PXDC1: variants seen among roughly 807,000 people sequenced by gnomAD.
The protein encoded by PXDC1 is PX domain containing 1.
PXDC1 carries 13 observed loss-of-function variants against 24.4 expected under a neutral mutation model. The observed-to-expected ratio is 0.53, with a 90% CI of 0.35 to 0.85. The LOEUF is 0.85. PXDC1 is among the 40% of genes least tolerant of loss of function. The pLI is 0.01. For synonymous variants in PXDC1, 162 were observed against 124.9 expected, an observed-to-expected ratio of 1.30 and a Z score of -1.98; for missense variants, 344 against 309.3, an observed-to-expected ratio of 1.11 and a Z score of -0.84.
rs1426952090 is a variant in PXDC1 at position 3,725,245 on chromosome 6, A to G, written c.579-1509T>C. On this transcript the variant is annotated intron_variant, in intron 4 of 4. Transcript: ENST00000380283. This position sits in a 1 kb window ranked among gnomAD's most constrained non-coding sequence, Gnocchi z 4.8. Reference sequence around the variant, plus strand: ...CACCACCTGCCCGTCCTCCCTGCCCAGATCACAGGATGACCCTGAGGACAT... The same window carrying G: ...CACCACCTGCCCGTCCTCCCTGCCCGGATCACAGGATGACCCTGAGGACAT... Among the ~76,000 whole-genome samples, 1 of 152,178 alleles carries G rather than the reference A, an allele frequency of 6.6e-6. No individual in the cohort carries two copies. Among genetic ancestry groups the G allele is most frequent in the Non-Finnish European group, 1.5e-5 (1 of 68,016 alleles).
At position 3,733,165 on chromosome 6, in the gene PXDC1, G is replaced by A. The variant is rs148420797; in HGVS notation, c.466+3914C>T. Among the ~76,000 whole-genome samples the A allele has an allele frequency of 2.1e-4, 32 of 152,298 alleles. No individual in the cohort carries two copies. In the East Asian group the frequency reaches 6.2e-3, roughly 29 times the overall value. Reference sequence around the variant, plus strand: ...GCCTCAGAGGTCAGAGCTTTGGGATGACTGGCTCAGTCCTCGGGTTCATAT... The same window carrying A: ...GCCTCAGAGGTCAGAGCTTTGGGATAACTGGCTCAGTCCTCGGGTTCATAT... On this transcript the variant is annotated intron_variant, in intron 3 of 4. Transcript: ENST00000380283.
rs142673215 is a variant in PXDC1 at position 3,727,658 on chromosome 6, G to C, written c.471C>G (p.Ile157Met). Reference protein sequence around the residue: ...SFQSPVKISEIMRSNGFCLAN... With the variant: ...SFQSPVKISEMMRSNGFCLAN... ...CTAAACAAAATCCATTGGACCTCAT[G>C]ATTTCTGAAAACCAAAGCAACAAGG... Residue 157 changes from isoleucine to methionine, a missense_variant, in exon 4 of 5, where the codon ATC (isoleucine) becomes ATG (methionine). Coordinates refer to ENST00000380283, the MANE Select transcript of PXDC1 (RefSeq NM_183373.4). 6.2e-7 allele frequency: 1 copy of C among 1,611,044 alleles called. No individual in the cohort carries two copies. Among genetic ancestry groups the C allele is most frequent in the South Asian group, 1.1e-5 (1 of 90,982 alleles).
intron 3 of PXDC1, among the ~76,000 whole-genome samples, chr6:3,733,516 T>G (rs1053430243): frequency 6.6e-6 from 1 of 152,014 alleles, no homozygotes; most frequent in African/African-American, 2.4e-5. Flanking sequence ...AGGGGCGAGC[T>G]AGACCGGGAA....
Position 3,725,395 on chromosome 6 carries a change from C to G in PXDC1, c.579-1659G>C, listed in dbSNP as rs1282886176. Among the ~76,000 whole-genome samples the G allele has an allele frequency of 1.3e-5, 2 of 152,230 alleles. No homozygotes were observed. Among genetic ancestry groups the G allele is most frequent in the African/African-American group, 4.8e-5 (2 of 41,460 alleles). On this transcript the variant is annotated intron_variant, in intron 4 of 4. Transcript: ENST00000380283. This position sits in a 1 kb window ranked among gnomAD's most constrained non-coding sequence, Gnocchi z 4.8. ...CCTCCCAGAAGCCAGGCAATCCCTT[C>G]GCCAGCTGAGACTGTCACCTGCAGA...
Position 3,751,363 on chromosome 6 carries a change from G to A in PXDC1, c.169C>T (p.Leu57=), listed in dbSNP as rs1163147910. 8 of 1,560,762 alleles carry A rather than the reference G, an allele frequency of 5.1e-6. No individual in the cohort carries two copies. Among genetic ancestry groups the A allele is most frequent in the African/African-American group, 1.4e-5 (1 of 73,296 alleles). ...DRSVLYLHRS[L]ADLGRLWQRL... is the part of the protein sequence containing the mutation. ...TGCCACAGGCGGCCCAGGTCCGCCA[G>A]GCTGCGGTGCAGGTAGAGCACGCTG... Residue 57 remains leucine (L), a synonymous_variant, in exon 1 of 5, where the codon CTG becomes TTG. Transcript: ENST00000380283.
intron 1 of PXDC1, among the ~76,000 whole-genome samples, chr6:3,747,904 T>C (rs940142487): frequency 1.3e-5 from 2 of 152,200 alleles, no homozygotes; most frequent in Non-Finnish European, 2.9e-5. Flanking sequence ...TTTGATGGAA[T>C]GAATGTAAAA....
Position 3,751,329 on chromosome 6 carries a change from CG to C in PXDC1, c.202del (p.Arg68AlafsTer23). 6.4e-7 allele frequency: 1 copy of C among 1,550,738 alleles called. No homozygotes were observed. The highest frequency in any genetic ancestry group is 1.2e-5 in the South Asian group (1 of 84,126). The part of the protein sequence containing the change: ...ADLGRLWQRL[R>X]DAFPEDRSEL... ...GGACCGGTCCTCGGGAAAGGCGTCG[CG>C]CAGGCGCTGCCACAGGCGGCCCAGG... On this transcript the variant is annotated frameshift_variant, in exon 1 of 5. Transcript: ENST00000380283. LOFTEE classifies it high-confidence loss of function.
intron 1 of PXDC1, chr6:3,738,771 G>A (rs1490527520): frequency 2.3e-6 from 3 of 1,297,026 alleles, no homozygotes; most frequent in East Asian, 5.5e-5. Context: ...CTGTCAGGCA[G>A]CATAATATTT....
At chr6:3,736,429 T>C (rs930073847) in intron 3 of PXDC1, among the ~76,000 whole-genome samples, 1 of 152,154 alleles carries the variant, frequency 6.6e-6, no homozygotes, top group Non-Finnish European at 1.5e-5. Context: ...TGTCACAAGG[T>C]GATTGCCACT....
chr6:3,743,964 TG>T (rs1000601618), intron 1 of PXDC1, among the ~76,000 whole-genome samples: 1 of 152,152 alleles, frequency 6.6e-6, no homozygotes, highest in African/African-American at 2.4e-5. Context: ...GGACCCAAGC[TG>T]GGGGCTGAGG....
chr6:3,729,717 T>G (rs539704172), intron 3 of PXDC1, among the ~76,000 whole-genome samples: 3 of 152,344 alleles, frequency 2.0e-5, no homozygotes, highest in East Asian at 3.9e-4. Context: ...GCCTTTATTG[T>G]TTTTATTAAC....
chr6:3,730,690 T>TA lies in PXDC1; in HGVS notation c.467-3029dup, dbSNP rs1265183927. ...GGTCAGTTTTCACAAGACGATGGTATAGACCATGAACTTGTACCTTCAGGC... is the reference window on the plus strand; with the variant it reads ...GGTCAGTTTTCACAAGACGATGGTATAAGACCATGAACTTGTACCTTCAGGC... On this transcript the variant is annotated intron_variant, in intron 3 of 4. Coordinates refer to ENST00000380283, the MANE Select transcript of PXDC1 (RefSeq NM_183373.4). Among the ~76,000 whole-genome samples the TA allele has an allele frequency of 5.3e-5, 8 of 152,232 alleles. 2 individuals carry two copies. Among genetic ancestry groups the TA allele is most frequent in the Non-Finnish European group, 1.2e-4 (8 of 68,042 alleles).
At position 3,751,317 on chromosome 6, in the gene PXDC1, G is replaced by A; in HGVS notation, c.215C>T (p.Pro72Leu). The change falls in exon 1 of 5, where the codon CCC (proline) becomes CTC (leucine). Residue 72 changes from proline to leucine, a missense_variant. Pro to Leu is a moderately conservative substitution (Grantham distance 98). Coordinates refer to ENST00000380283, the MANE Select transcript of PXDC1 (RefSeq NM_183373.4). ...CTGCGCCAGTTCGGACCGGTCCTCG[G>A]GAAAGGCGTCGCGCAGGCGCTGCCA... Reference protein sequence around the residue: ...RLWQRLRDAFPEDRSELAQGP... With the variant: ...RLWQRLRDAFLEDRSELAQGP... The A allele has an allele frequency of 6.5e-7, 1 of 1,548,404 alleles. No individual in the cohort carries two copies. The highest frequency in any genetic ancestry group is 1.7e-4 in the Middle Eastern group (1 of 5,950).
chr6:3,743,716 T>C (rs1415049471), intron 1 of PXDC1, among the ~76,000 whole-genome samples: 5 of 152,234 alleles, frequency 3.3e-5, no homozygotes, highest in African/African-American at 9.6e-5. Context: ...TATCCGAGAC[T>C]GACACGTTTC....
intron 3 of PXDC1, among the ~76,000 whole-genome samples, chr6:3,735,177 G>A (rs9392010): frequency 0.4 from 60,922 of 152,146 alleles, 14,642 homozygotes; most frequent in Non-Finnish European, 0.54. Flanking sequence ...AGCAAAGCCA[G>A]AGGCATCACA....
intron 1 of PXDC1, among the ~76,000 whole-genome samples, chr6:3,745,867 C>A (rs1760558882): frequency 6.6e-6 from 1 of 152,224 alleles, no homozygotes; most frequent in Non-Finnish European, 1.5e-5. Context: ...TAAACATCAG[C>A]AAGGTTTCTT....
intron 1 of PXDC1, among the ~76,000 whole-genome samples, chr6:3,749,431 C>A (rs1488987363): frequency 1.1e-4 from 16 of 149,448 alleles, no homozygotes; most frequent in Non-Finnish European, 3.0e-5. Context: ...GCGTCTTCAA[C>A]CTTTCTTCAC....
At chr6:3,743,233 G>A (rs1433723730) in intron 1 of PXDC1, among the ~76,000 whole-genome samples, 1 of 152,114 alleles carries the variant, frequency 6.6e-6, no homozygotes, top group African/African-American at 2.4e-5. Context: ...GGTGCGCTGG[G>A]AGGTCACACG....
rs775492092 is a variant in PXDC1 at position 3,724,548 on chromosome 6, G to A, written c.579-812C>T. 4.6e-5 allele frequency among the ~76,000 whole-genome samples: 7 copies of A among 152,178 alleles called. No homozygotes were observed. Among genetic ancestry groups the A allele is most frequent in the Non-Finnish European group, 7.3e-5 (5 of 68,032 alleles). On this transcript the variant is annotated intron_variant, in intron 4 of 4. Coordinates refer to ENST00000380283, the MANE Select transcript of PXDC1 (RefSeq NM_183373.4). This position sits in a 1 kb window ranked among gnomAD's most constrained non-coding sequence, Gnocchi z 4.5. ...CCCAGGAAGGGGGACAGAGCTGTAC[G>A]GCTCGTGGGATTTTCCTCCACCTAT...
Sources: gnomAD v4.1 joint callset for allele counts (sites outside exome capture counted in the v4.1 genomes callset) on GRCh38, gnomAD v4.1.1 for gene constraint, Gnocchi (gnomAD v3.1) non-coding constraint, MANE v1.5 for transcripts, NCBI Gene and HGNC (gene_info 2026-07-23, HGNC 2026-07-21) for gene names.